Variants in GPC3 observed in about 807,000 individuals in gnomAD.
GPC3 encodes the protein glypican-3.
In GPC3, 3 loss-of-function variants were observed where a neutral mutation model predicts 34.4. The ratio of observed to expected loss-of-function variants is 0.09; its 90% CI spans 0.04 to 0.23. The LOEUF (loss-of-function observed/expected upper bound fraction) is 0.23, where lower values mean the gene tolerates loss of function less well. Among genes scored for constraint, GPC3 ranks in the 10% least tolerant of loss-of-function variants. The probability of loss-of-function intolerance (pLI) is 1.00; values close to 1 mark genes in which losing one functional copy is unlikely to be tolerated. For missense variants in GPC3, 351 were observed against 445.6 expected, an observed-to-expected ratio of 0.79 and a Z score of 1.91; for synonymous variants, 177 against 174.0, an observed-to-expected ratio of 1.02 and a Z score of -0.13.
At chrX:133,616,900 G>A (rs938792727) in intron 6 of GPC3, among the ~76,000 whole-genome samples, 3 of 108,795 alleles carry the variant, frequency 2.8e-5, no homozygotes, top group Admixed American at 2.0e-4. Context: ...GGGTTTCACC[G>A]GGTTAGCCAG....
At chrX:133,736,473 C>T (rs1354563005) in intron 3 of GPC3, among the ~76,000 whole-genome samples, 1 of 111,659 alleles carries the variant, frequency 9.0e-6, no homozygotes, top group African/African-American at 3.3e-5. Context: ...TGGAAGAAAC[C>T]CAAATGTCCA....
Position 133,985,195 on chromosome X carries a change from C to T in GPC3, c.175+80G>A. 3 of 1,073,911 alleles carry T rather than the reference C, an allele frequency of 2.8e-6. No individual in the cohort carries two copies. In the Admixed American group the frequency reaches 7.2e-5, roughly 26 times the overall value. The allele number at this position is 1,073,911 out of a possible 1,213,427, so 88.5% of individuals were successfully genotyped here. On this transcript the variant is annotated intron_variant, in intron 1 of 7. Coordinates refer to ENST00000370818, the MANE Select transcript of GPC3 (RefSeq NM_004484.4). ...GGCGCACGACTACAGCCCGGCGGGG[C>T]TAGCGCGCTCAGGGTACAGCCACCA... is the stretch of plus-strand genomic sequence containing the variant.
intron 2 of GPC3, among the ~76,000 whole-genome samples, chrX:133,941,379 T>C (rs954538980): frequency 1.8e-5 from 2 of 112,551 alleles, no homozygotes; most frequent in African/African-American, 6.4e-5. Flanking sequence ...TTACTTCCTA[T>C]TAAAAGGCCA....
intron 2 of GPC3, chrX:133,763,505 A>C (rs1254914051): frequency 9.1e-6 from 5 of 549,553 alleles, no homozygotes; most frequent in Non-Finnish European, 9.9e-6. Context: ...CCAGCTCCTG[A>C]GTTCACTGCT....
At chrX:133,805,596 C>T (rs748589029) in intron 2 of GPC3, among the ~76,000 whole-genome samples, 1 of 112,263 alleles carries the variant, frequency 8.9e-6, no homozygotes, top group South Asian at 3.7e-4. Flanking sequence ...ATCAGCTAGA[C>T]TTAGGTTAGA....
chrX:133,647,381 G>C (rs193285517), intron 6 of GPC3, among the ~76,000 whole-genome samples: 16 of 112,293 alleles, frequency 1.4e-4, no homozygotes, highest in Non-Finnish European at 2.6e-4. Flanking sequence ...AGGGCACAGG[G>C]GTGCTAAGGT....
chrX:133,951,333 G>A (rs1055978588), intron 2 of GPC3, among the ~76,000 whole-genome samples: 1 of 110,011 alleles, frequency 9.1e-6, no homozygotes, highest in African/African-American at 3.3e-5. Context: ...AAATGCTGAC[G>A]ACCCGGGCCC....
At chrX:133,771,316 A>G (rs188192244) in intron 2 of GPC3, among the ~76,000 whole-genome samples, 2 of 112,792 alleles carry the variant, frequency 1.8e-5, no homozygotes, top group Admixed American at 9.4e-5. Context: ...TGAATTTGAG[A>G]TTGGGCATTT....
intron 6 of GPC3, among the ~76,000 whole-genome samples, chrX:133,640,021 C>T (rs1332517990): frequency 2.7e-5 from 3 of 111,377 alleles, no homozygotes; most frequent in East Asian, 2.8e-4. Flanking sequence ...TTGCCCCTGC[C>T]ACTAGAAGCT....
At chrX:133,960,705 T>C (rs1230566443) in intron 1 of GPC3, among the ~76,000 whole-genome samples, 2 of 111,270 alleles carry the variant, frequency 1.8e-5, no homozygotes, top group African/African-American at 6.5e-5. Flanking sequence ...TTATTTTTTT[T>C]TTTGCTAACA....
At chrX:133,886,021 A>G (rs752195504) in intron 2 of GPC3, among the ~76,000 whole-genome samples, 2 of 111,555 alleles carry the variant, frequency 1.8e-5, no homozygotes, top group Admixed American at 9.6e-5. Flanking sequence ...AAAAGCACCA[A>G]ATTTTATTGA....
At position 133,877,468 on chromosome X, in the gene GPC3, C is replaced by T. The variant is rs1437345534; in HGVS notation, c.337+75582G>A. ...AATGCCAACCATTCTCTTCTCACAC[C>T]CTGCTATTGGGACTAAACAGAAACA... On this transcript the variant is annotated intron_variant, in intron 2 of 7. Coordinates refer to ENST00000370818, the MANE Select transcript of GPC3 (RefSeq NM_004484.4). Among the ~76,000 whole-genome samples, 5 of 111,980 alleles carry T rather than the reference C, an allele frequency of 4.5e-5. No homozygotes were observed. The South Asian group carries it at 1.9e-3, about 42-fold the overall frequency.
rs747532742 is a variant in GPC3 at position 133,636,198 on chromosome X, G to A, written c.1413+25532C>T. Among the ~76,000 whole-genome samples the A allele has an allele frequency of 8.9e-5, 10 of 112,377 alleles. No homozygotes were observed. In the South Asian group the frequency reaches 3.3e-3, roughly 37 times the overall value. On this transcript the variant is annotated intron_variant, in intron 6 of 7. Coordinates refer to ENST00000370818, the MANE Select transcript of GPC3 (RefSeq NM_004484.4). ...GGATTTCCACATGCATTCTCCACTC[G>A]GTGAAATGCGATTGCTATTTAATAG...
At chrX:133,804,544 C>G (rs2075626700) in intron 2 of GPC3, among the ~76,000 whole-genome samples, 1 of 110,496 alleles carries the variant, frequency 9.1e-6, no homozygotes, top group African/African-American at 3.3e-5. Context: ...ATACCAAGGC[C>G]AAAACACTAA....
At chrX:133,964,455 AT>A (rs1464977669) in intron 1 of GPC3, among the ~76,000 whole-genome samples, 1 of 111,882 alleles carries the variant, frequency 8.9e-6, no homozygotes, top group Non-Finnish European at 1.9e-5. Context: ...CTTAGAAAAA[AT>A]ATTATATTTT....
At chrX:133,542,826 A>G (rs1326432508) in intron 7 of GPC3, among the ~76,000 whole-genome samples, 1 of 111,633 alleles carries the variant, frequency 9.0e-6, no homozygotes, top group Non-Finnish European at 1.9e-5. Context: ...GGCTGTTCCC[A>G]CAGGAGCCAC....
chrX:133,952,628 C>T (rs1251127630), intron 2 of GPC3, among the ~76,000 whole-genome samples: 1 of 112,418 alleles, frequency 8.9e-6, no homozygotes, highest in Non-Finnish European at 1.9e-5. Flanking sequence ...GCCAACAAGC[C>T]AGTGTCTGCC....
intron 2 of GPC3, among the ~76,000 whole-genome samples, chrX:133,763,990 A>T (rs2071824066): frequency 8.9e-6 from 1 of 112,130 alleles, no homozygotes; most frequent in Non-Finnish European, 1.9e-5. Context: ...TCACAGCGCT[A>T]TTCACAATAG....
chrX:133,684,481 C>T (rs761072848), intron 5 of GPC3, among the ~76,000 whole-genome samples: 2 of 111,871 alleles, frequency 1.8e-5, no homozygotes, highest in Non-Finnish European at 3.8e-5. Context: ...TACTGAGTCT[C>T]ACCTTCAGCA....
Sources: gnomAD v4.1 joint callset for allele counts (sites outside exome capture counted in the v4.1 genomes callset) on GRCh38, gnomAD v4.1.1 for gene constraint, MANE v1.5 for transcripts, NCBI Gene and HGNC (gene_info 2026-07-23, HGNC 2026-07-21) for gene names.